ATL3: variants seen among roughly 807,000 people sequenced by gnomAD.
ATL3 encodes atlastin-3.
A neutral mutation model predicts 69.5 loss-of-function variants in ATL3; 49 were observed. That is an observed-to-expected ratio of 0.71 (90% CI 0.56 to 0.89). The LOEUF (loss-of-function observed/expected upper bound fraction) is 0.89. Ranked by LOEUF, ATL3 falls within the 40% of genes least tolerant of loss-of-function variation. ATL3 has a pLI of 0.00. For synonymous variants in ATL3, 214 were observed against 224.1 expected (o/e 0.95, Z 0.40); for missense variants, 606 against 645.7 (o/e 0.94, Z 0.67).
In ATL3 at chr11:63,631,131, G is replaced by A; in HGVS notation, c.1448C>T (p.Ala483Val). 1.9e-6 allele frequency: 3 copies of A among 1,614,154 alleles called. No individual in the cohort carries two copies. The highest frequency in any genetic ancestry group is 2.5e-6 in the Non-Finnish European group (3 of 1,180,032). ...FNCMVGLLLI[A>V]LLTWGYIRYS... Reference sequence around the variant, plus strand: ...CCTGATGTAGCCCCAGGTGAGGAGTGCTATTAACAGTAGTCCAACCATACA... The same window carrying A: ...CCTGATGTAGCCCCAGGTGAGGAGTACTATTAACAGTAGTCCAACCATACA... Residue 483 changes from alanine to valine, a missense_variant, in exon 12 of 13, where the codon GCA (alanine) becomes GTA (valine). By Grantham distance (64) the Ala-to-Val change is moderately conservative. Coordinates refer to ENST00000398868, the MANE Select transcript of ATL3 (RefSeq NM_015459.5).
chr11:63,636,742 G>GAA (rs35563503), intron 8 of ATL3, among the ~76,000 whole-genome samples: 1 of 142,860 alleles, frequency 7.0e-6, no homozygotes, highest in Non-Finnish European at 1.5e-5. Context: ...TCCATCTCAA[G>GAA]AAAAAAAAAA....
chr11:63,658,845 G>A lies in ATL3; in HGVS notation c.321C>T (p.Ser107=). 1 of 1,612,440 alleles carries A rather than the reference G, an allele frequency of 6.2e-7. No individual in the cohort carries two copies. The highest frequency in any genetic ancestry group is 8.5e-7 in the Non-Finnish European group (1 of 1,179,380). The change falls in exon 3 of 13, where the codon TCC becomes TCT. Residue 107 remains serine (S), a synonymous_variant. Coordinates refer to ENST00000398868, the MANE Select transcript of ATL3 (RefSeq NM_015459.5). ...GDPEEPLTGF[S]WRGGSDPETT... ...TTTCTGGATCAGATCCCCCTCTCCA[G>A]GAAAATCCTGTTAACGGTTCTTCTG...
At chr11:63,642,761 G>A (rs1483943814) in intron 8 of ATL3, among the ~76,000 whole-genome samples, 1 of 152,180 alleles carries the variant, frequency 6.6e-6, no homozygotes, top group Non-Finnish European at 1.5e-5. Flanking sequence ...AACATTACCA[G>A]GAATCTGAGA....
Position 63,670,884 on chromosome 11 carries a change from C to T in ATL3, c.46+406G>A, listed in dbSNP as rs571095542. ...AGAGAGGGCGCTGAGTGCCCGGGCA[C>T]GGAGGGGCAGCGCCCTGGGGCGCCC... On this transcript the variant is annotated intron_variant, in intron 1 of 12. Transcript: ENST00000398868. 1.2e-4 allele frequency among the ~76,000 whole-genome samples: 19 copies of T among 152,336 alleles called. No homozygotes were observed. In the East Asian group the frequency reaches 2.9e-3, roughly 23 times the overall value.
At chr11:63,632,105 C>T (rs1939340658) in intron 11 of ATL3, 2 of 321,700 alleles carry the variant, frequency 6.2e-6, no homozygotes. Flanking sequence ...GGATCACCCA[C>T]ATACGCTTTG....
chr11:63,656,523 C>T (rs1940253365), intron 3 of ATL3, among the ~76,000 whole-genome samples: 1 of 151,750 alleles, frequency 6.6e-6, no homozygotes, highest in Admixed American at 6.6e-5. Flanking sequence ...AACCTGAGGT[C>T]AGGAGTGCAA....
At chr11:63,652,443 GCT>G in intron 4 of ATL3, 26 bp downstream of exon 4, 1 of 1,389,548 alleles carries the variant, frequency 7.2e-7, no homozygotes, top group Non-Finnish European at 9.8e-7. Context: ...TCCTTTGCGA[GCT>G]TTTTTCTGAG....
chr11:63,637,587 A>G, intron 8 of ATL3: 1 of 152,326 alleles, frequency 6.6e-6, no homozygotes, highest in South Asian at 2.1e-4. Context: ...AGGGATCAGT[A>G]CAGCCATTAA....
At chr11:63,644,362 G>A (rs545550119) in intron 6 of ATL3, 101 bp from the exon 7 acceptor site, 2 of 679,742 alleles carry the variant, frequency 2.9e-6, no homozygotes, top group African/African-American at 2.0e-5. Context: ...CTACAAAGGG[G>A]GTAAAGTAGA....
chr11:63,641,800 T>G (rs1939709137), intron 8 of ATL3, among the ~76,000 whole-genome samples: 1 of 152,192 alleles, frequency 6.6e-6, no homozygotes, highest in African/African-American at 2.4e-5. Context: ...GTTACTGAAC[T>G]TTAAAAAACT....
chr11:63,640,155 C>T (rs1939648043), intron 8 of ATL3, among the ~76,000 whole-genome samples: 1 of 152,214 alleles, frequency 6.6e-6, no homozygotes, highest in African/African-American at 2.4e-5. Context: ...CTGGAACTCC[C>T]GACCTCAGGT....
At chr11:63,658,069 G>A (rs1214061547) in intron 3 of ATL3, among the ~76,000 whole-genome samples, 1 of 152,072 alleles carries the variant, frequency 6.6e-6, no homozygotes, top group East Asian at 1.9e-4. Flanking sequence ...TGTTGGCCAG[G>A]CTGGTCTCAA....
At chr11:63,663,231 A>G (rs922071348) in intron 1 of ATL3, among the ~76,000 whole-genome samples, 1 of 151,744 alleles carries the variant, frequency 6.6e-6, no homozygotes, top group Non-Finnish European at 1.5e-5. Flanking sequence ...CAATCCTCCC[A>G]CCTCAGCCAC....
Position 63,645,262 on chromosome 11 carries a change from C to A in ATL3, c.619-1001G>T, listed in dbSNP as rs1034613753. Among the ~76,000 whole-genome samples, 4 of 151,314 alleles carry A rather than the reference C, an allele frequency of 2.6e-5. No individual in the cohort carries two copies. The South Asian group carries it at 6.3e-4, about 24-fold the overall frequency. ...CTCTACAAAAAATACAAAAAATTAG[C>A]CGGGCGCCTGAAATCCCAGCTACTC... On this transcript the variant is annotated intron_variant, in intron 6 of 12. Coordinates refer to ENST00000398868, the MANE Select transcript of ATL3 (RefSeq NM_015459.5).
At chr11:63,648,130 CA>C (rs1157296830) in intron 5 of ATL3, among the ~76,000 whole-genome samples, 1 of 150,498 alleles carries the variant, frequency 6.6e-6, no homozygotes, top group South Asian at 2.1e-4. Context: ...AAGATAAATC[CA>C]AAAAAAAATC....
At chr11:63,640,594 CTTTTTTTTTTT>C (rs1172516886) in intron 8 of ATL3, among the ~76,000 whole-genome samples, 12 of 84,348 alleles carry the variant, frequency 1.4e-4, no homozygotes, top group Non-Finnish European at 1.5e-4. Flanking sequence ...ACCATAGTAT[CTTTTTTTTTTT>C]TTTTTTTTTT....
chr11:63,648,221 A>G (rs1294429546), intron 5 of ATL3, among the ~76,000 whole-genome samples: 1 of 152,210 alleles, frequency 6.6e-6, no homozygotes, highest in Non-Finnish European at 1.5e-5. Flanking sequence ...AAGTCCACAT[A>G]GTGAGCAGTG....
At chr11:63,636,087 C>CCT in intron 9 of ATL3, 120 bp downstream of exon 9, 1 of 1,294,694 alleles carries the variant, frequency 7.7e-7, no homozygotes, top group South Asian at 1.5e-5. Context: ...TCTGAAAATG[C>CCT]CTCTCACCAT....
At chr11:63,665,345 CAAAAAAAAA>C (rs1234905053) in intron 1 of ATL3, among the ~76,000 whole-genome samples, 1 of 75,254 alleles carries the variant, frequency 1.3e-5, no homozygotes, top group Non-Finnish European at 2.8e-5. Context: ...GACTCCATCT[CAAAAAAAAA>C]AAAAAAAAAG....
Sources: gnomAD v4.1 joint callset for allele counts (sites outside exome capture counted in the v4.1 genomes callset) on GRCh38, gnomAD v4.1.1 for gene constraint, MANE v1.5 for transcripts, NCBI Gene and HGNC (gene_info 2026-07-23, HGNC 2026-07-21) for gene names.